AGMO: variants seen among roughly 807,000 people sequenced by gnomAD.
AGMO encodes the protein glyceryl-ether monooxygenase.
AGMO carries 75 observed loss-of-function variants against 60.2 expected under a neutral mutation model. That is an observed-to-expected ratio of 1.25 (90% CI 1.03 to 1.51). AGMO has a LOEUF of 1.51. Among genes scored for constraint, AGMO ranks in the 40% most tolerant of loss-of-function variants. AGMO has a pLI of 0.00. For synonymous variants in AGMO, 261 were observed against 177.1 expected (o/e 1.47, Z -3.76); for missense variants, 763 against 525.5 (o/e 1.45, Z -4.42).
At chr7:15,359,537 GAAGTA>G (rs1031044126) in intron 12 of AGMO, among the ~76,000 whole-genome samples, 1 of 151,968 alleles carries the variant, frequency 6.6e-6, no homozygotes, top group Non-Finnish European at 1.5e-5. Flanking sequence ...TTTTTTTGTA[GAAGTA>G]AAGTTTTTTG....
In AGMO at chr7:15,277,120, C is replaced by T. The variant is rs1783820527; in HGVS notation, c.1264-75761G>A. On this transcript the variant is annotated intron_variant, in intron 12 of 12. Transcript: ENST00000342526. Reference sequence around the variant, plus strand: ...ATCAGGAGTTCTAGACCAGCATGGCCAACATGGCAAAACCCTATCTCTAGT... The same window carrying T: ...ATCAGGAGTTCTAGACCAGCATGGCTAACATGGCAAAACCCTATCTCTAGT... Among the ~76,000 whole-genome samples, 4 of 151,794 alleles carry T rather than the reference C, an allele frequency of 2.6e-5. No homozygotes were observed. The South Asian group carries it at 8.3e-4, about 32-fold the overall frequency.
At chr7:15,299,309 T>C (rs73679463) in intron 12 of AGMO, among the ~76,000 whole-genome samples, 3 of 152,168 alleles carry the variant, frequency 2.0e-5, no homozygotes, top group East Asian at 1.9e-4. Flanking sequence ...TTAGGTCTTT[T>C]TCTCTGACCT....
intron 12 of AGMO, among the ~76,000 whole-genome samples, chr7:15,302,799 T>C (rs1780483765): frequency 6.6e-6 from 1 of 152,138 alleles, no homozygotes. Context: ...TCAATTCATG[T>C]AAGTCATGGA....
the AGMO span, among the ~76,000 whole-genome samples, chr7:15,181,281 G>C: frequency 6.6e-6 from 1 of 152,196 alleles, no homozygotes; most frequent in Non-Finnish European, 1.5e-5. Flanking sequence ...GTGTAGAGAG[G>C]TCTTTCACAT....
intron 10 of AGMO, among the ~76,000 whole-genome samples, chr7:15,382,984 A>C (rs1171629863): frequency 6.6e-6 from 1 of 151,942 alleles, no homozygotes; most frequent in Non-Finnish European, 1.5e-5. Context: ...CTTTTTCTAT[A>C]ATCTATCACC....
intron 4 of AGMO, 66 bp from the exon 5 acceptor site, chr7:15,418,719 C>A: frequency 1.0e-6 from 1 of 958,314 alleles, no homozygotes; most frequent in South Asian, 1.6e-5. Context: ...GTTAATGGTT[C>A]AATATTCTGA....
intron 3 of AGMO, among the ~76,000 whole-genome samples, chr7:15,531,537 C>CTATATATATTCTATATATATTCTG (rs1562557518): frequency 7.9e-4 from 22 of 27,808 alleles, no homozygotes; most frequent in Admixed American, 2.6e-3. Flanking sequence ...TATATATTCT[C>CTATATATATTCTATATATATTCTG]TATATATATT....
chr7:15,147,504 C>T, the AGMO span, among the ~76,000 whole-genome samples: 3 of 152,134 alleles, frequency 2.0e-5, no homozygotes, highest in Non-Finnish European at 4.4e-5. Context: ...GACCCGCCTC[C>T]ACGATTCAGT....
intron 12 of AGMO, among the ~76,000 whole-genome samples, chr7:15,272,575 T>C (rs1344088362): frequency 2.6e-5 from 4 of 152,146 alleles, no homozygotes; most frequent in Non-Finnish European, 5.9e-5. Context: ...TTGTGAATAG[T>C]GCCACAATAA....
At chr7:15,138,111 C>T in the AGMO span, among the ~76,000 whole-genome samples, 1 of 152,240 alleles carries the variant, frequency 6.6e-6, no homozygotes, top group African/African-American at 2.4e-5. Context: ...CACCAGCCCC[C>T]CAAAAAGTTA....
intron 10 of AGMO, among the ~76,000 whole-genome samples, chr7:15,376,622 A>G (rs1783464708): frequency 6.6e-6 from 1 of 152,100 alleles, no homozygotes; most frequent in Admixed American, 6.6e-5. Flanking sequence ...ATAAGACCTT[A>G]TTGAATATTC....
At chr7:15,533,962 T>C (rs898260505) in intron 3 of AGMO, among the ~76,000 whole-genome samples, 2 of 152,094 alleles carry the variant, frequency 1.3e-5, no homozygotes, top group Non-Finnish European at 2.9e-5. Context: ...GGGTATTTTA[T>C]TACCAAGATT....
At position 15,561,818 on chromosome 7, in the gene AGMO, C is replaced by T. The variant is rs200541232; in HGVS notation, c.28G>A (p.Val10Ile). 2 of 1,609,070 alleles carry T rather than the reference C, an allele frequency of 1.2e-6. No homozygotes were observed. Among genetic ancestry groups the T allele is most frequent in the East Asian group, 2.2e-5 (1 of 44,660 alleles). Residue 10 changes from valine (V) to isoleucine (I), a missense_variant, in exon 1 of 13, where the codon GTT becomes ATT. Transcript: ENST00000342526. Reference sequence around the variant, plus strand: ...ATGCGAAATCCCTGGGAAACTGAAACATCCTGCTGGGCTTCTGGGTTCTTC... The same window carrying T: ...ATGCGAAATCCCTGGGAAACTGAAATATCCTGCTGGGCTTCTGGGTTCTTC... MKNPEAQQDVSVSQGFRMLF... is the reference protein window; with the variant it reads MKNPEAQQDISVSQGFRMLF...
intron 12 of AGMO, among the ~76,000 whole-genome samples, chr7:15,225,337 C>T (rs1782046436): frequency 6.6e-6 from 1 of 151,948 alleles, no homozygotes; most frequent in African/African-American, 2.4e-5. Context: ...AAATATCCTT[C>T]AGTTAATCTT....
rs147663674 is a variant in AGMO, at chr7:15,455,050, A to G, written c.410-23942T>C. Among the ~76,000 whole-genome samples, 276 of 150,094 alleles carry G rather than the reference A, an allele frequency of 1.8e-3. 3 individuals carry two copies. Among genetic ancestry groups the G allele is most frequent in the African/African-American group, 6.5e-3 (263 of 40,688 alleles). ...TACGGTAGATGCAGATTTACTCTTTAATGCTTGCATTTTCTTTCTCTCTCT... is the reference window on the plus strand; with the variant it reads ...TACGGTAGATGCAGATTTACTCTTTGATGCTTGCATTTTCTTTCTCTCTCT... On this transcript the variant is annotated intron_variant, in intron 3 of 12. Transcript: ENST00000342526.
intron 2 of AGMO, among the ~76,000 whole-genome samples, chr7:15,549,493 C>CA (rs908559256): frequency 2.0e-5 from 3 of 151,308 alleles, no homozygotes; most frequent in Admixed American, 2.0e-4. Context: ...AAATGGAAAA[C>CA]AAAAAAAGGC....
At chr7:15,560,304 T>G in intron 1 of AGMO, 33 bp from the exon 2 acceptor site, 1 of 1,586,842 alleles carries the variant, frequency 6.3e-7, no homozygotes, top group South Asian at 1.1e-5. Flanking sequence ...GAGATGCTAT[T>G]ATGTTCCATA....
At chr7:15,506,149 C>T (rs1475372392) in intron 3 of AGMO, among the ~76,000 whole-genome samples, 1 of 152,038 alleles carries the variant, frequency 6.6e-6, no homozygotes, top group Non-Finnish European at 1.5e-5. Context: ...AGACTTTGAA[C>T]TCAGATACTT....
chr7:15,522,243 C>T (rs1024231340), intron 3 of AGMO, among the ~76,000 whole-genome samples: 2 of 151,914 alleles, frequency 1.3e-5, no homozygotes, highest in African/African-American at 4.8e-5. Flanking sequence ...ATGGATAGGA[C>T]GAATCAATAT....
Sources: gnomAD v4.1 joint callset for allele counts (sites outside exome capture counted in the v4.1 genomes callset) on GRCh38, gnomAD v4.1.1 for gene constraint, MANE v1.5 for transcripts, NCBI Gene and HGNC (gene_info 2026-07-23, HGNC 2026-07-21) for gene names.